The following PRKCA variants were observed in gnomAD, a reference collection of about 807,000 sequenced individuals.
The protein encoded by PRKCA is protein kinase C alpha.
PRKCA carries 27 observed loss-of-function variants against 87.0 expected under a neutral mutation model. The observed-to-expected ratio is 0.31, with a 90% CI of 0.23 to 0.43. The LOEUF (loss-of-function observed/expected upper bound fraction) is 0.43. Ranked by LOEUF, PRKCA falls within the 20% of genes least tolerant of loss-of-function variation. PRKCA has a pLI of 1.00. For synonymous variants in PRKCA, 329 were observed against 311.1 expected (o/e 1.06, Z -0.61); for missense variants, 518 against 852.3 (o/e 0.61, Z 4.88).
At chr17:66,373,977 G>T (rs1320851109) in intron 2 of PRKCA, among the ~76,000 whole-genome samples, 1 of 152,184 alleles carries the variant, frequency 6.6e-6, no homozygotes, top group Non-Finnish European at 1.5e-5. Flanking sequence ...GGATGTGGGG[G>T]CCCTGCTGCT....
chr17:66,331,541 T>C (rs1906325097), intron 2 of PRKCA, among the ~76,000 whole-genome samples: 1 of 152,166 alleles, frequency 6.6e-6, no homozygotes, highest in South Asian at 2.1e-4. Flanking sequence ...GTACCGGGAC[T>C]CTCCTCTGCA....
intron 2 of PRKCA, among the ~76,000 whole-genome samples, chr17:66,479,833 AAC>A (rs1915700640): frequency 6.6e-6 from 1 of 152,144 alleles, no homozygotes; most frequent in South Asian, 2.1e-4. Context: ...AGAGGGGAAC[AAC>A]ACACAGTGAG....
intron 14 of PRKCA, 106 bp from the exon 15 acceptor site, chr17:66,786,761 C>A: frequency 1.3e-6 from 1 of 779,310 alleles, no homozygotes; most frequent in Non-Finnish European, 2.1e-6. Flanking sequence ...TGTGGTGGGG[C>A]TGAGAAACCT....
At chr17:66,362,333 G>A (rs1908434753) in intron 2 of PRKCA, among the ~76,000 whole-genome samples, 2 of 152,062 alleles carry the variant, frequency 1.3e-5, no homozygotes, top group African/African-American at 2.4e-5. Flanking sequence ...CCACCACCAT[G>A]CCCAGCTGGG....
At chr17:66,777,203 T>G in intron 14 of PRKCA, 1 of 985,426 alleles carries the variant, frequency 1.0e-6, no homozygotes, top group Non-Finnish European at 1.2e-6. Context: ...GTTGTAACAC[T>G]GTGACCATGA....
At chr17:66,674,902 T>C (rs942733711) in intron 5 of PRKCA, among the ~76,000 whole-genome samples, 48 of 152,172 alleles carry the variant, frequency 3.2e-4, no homozygotes, top group Non-Finnish European at 3.8e-4. Flanking sequence ...TACCTCCTTA[T>C]GCCATGGAGG....
At chr17:66,736,072 G>T (rs1338699640) in intron 10 of PRKCA, among the ~76,000 whole-genome samples, 1 of 151,298 alleles carries the variant, frequency 6.6e-6, no homozygotes, top group African/African-American at 2.4e-5. Context: ...GTAGAGACGG[G>T]GGTTTCACCA....
intron 13 of PRKCA, among the ~76,000 whole-genome samples, chr17:66,749,007 C>G (rs573717869): frequency 6.6e-6 from 1 of 151,350 alleles, no homozygotes; most frequent in Non-Finnish European, 1.5e-5. Context: ...CCAGGACGGG[C>G]GGGTATTAGG....
chr17:66,346,701 A>G (rs1907394509), intron 2 of PRKCA, among the ~76,000 whole-genome samples: 2 of 152,188 alleles, frequency 1.3e-5, no homozygotes, highest in South Asian at 4.1e-4. Context: ...TAGAGTTGAC[A>G]TGTTGAATTT....
At chr17:66,409,014 C>T (rs376607280) in intron 2 of PRKCA, among the ~76,000 whole-genome samples, 4 of 127,872 alleles carry the variant, frequency 3.1e-5, no homozygotes, top group Non-Finnish European at 3.2e-5. Context: ...ATCACGTCAT[C>T]GCACTCCCTC....
intron 9 of PRKCA, among the ~76,000 whole-genome samples, chr17:66,734,921 AGAACAG>A (rs1973989174): frequency 6.6e-6 from 1 of 152,232 alleles, no homozygotes; most frequent in African/African-American, 2.4e-5. Context: ...CTCAGTGTTC[AGAACAG>A]AAGGGATGCT....
intron 2 of PRKCA, among the ~76,000 whole-genome samples, chr17:66,409,792 G>C (rs761758797): frequency 1.3e-5 from 2 of 152,174 alleles, no homozygotes; most frequent in African/African-American, 4.8e-5. Context: ...TTAGCCAGAC[G>C]TGGTGGCAGG....
At chr17:66,669,328 T>C (rs1972118065) in intron 5 of PRKCA, among the ~76,000 whole-genome samples, 1 of 152,138 alleles carries the variant, frequency 6.6e-6, no homozygotes, top group Admixed American at 6.5e-5. Context: ...AGAATTGGCA[T>C]TGCAGAAAAT....
At chr17:66,574,722 C>CAAAAAAAAAAAAAAAA (rs56913809) in intron 3 of PRKCA, among the ~76,000 whole-genome samples, 1 of 131,164 alleles carries the variant, frequency 7.6e-6, no homozygotes, top group Non-Finnish European at 1.7e-5. Flanking sequence ...ATTCCAAAAT[C>CAAAAAAAAAAAAAAAA]AAAAAAAAAA....
At chr17:66,602,889 T>A (rs959889889) in intron 3 of PRKCA, among the ~76,000 whole-genome samples, 1 of 152,142 alleles carries the variant, frequency 6.6e-6, no homozygotes, top group Non-Finnish European at 1.5e-5. Flanking sequence ...GCTTGGCCTC[T>A]CCTCTTCCGG....
intron 13 of PRKCA, among the ~76,000 whole-genome samples, chr17:66,750,893 C>T (rs1974412798): frequency 6.6e-6 from 1 of 152,184 alleles, no homozygotes; most frequent in Admixed American, 6.5e-5. Flanking sequence ...GTGACTGTTA[C>T]CCTGGGAGGA....
At chr17:66,713,530 A>G (rs545403875) in intron 8 of PRKCA, among the ~76,000 whole-genome samples, 27 of 152,178 alleles carry the variant, frequency 1.8e-4, no homozygotes, top group Non-Finnish European at 2.9e-4. Flanking sequence ...TCAAGTCAAC[A>G]AAGTCTCTTT....
intron 3 of PRKCA, among the ~76,000 whole-genome samples, chr17:66,517,760 C>T (rs9897124): frequency 0.5 from 75,533 of 152,010 alleles, 19,108 homozygotes; most frequent in East Asian, 0.76. Flanking sequence ...GGCGCAAGTG[C>T]CATCCAGTTG....
intron 16 of PRKCA, among the ~76,000 whole-genome samples, chr17:66,790,975 G>A (rs1279080760): frequency 6.7e-6 from 1 of 149,310 alleles, no homozygotes; most frequent in Non-Finnish European, 1.5e-5. Context: ...TATTCCTGGA[G>A]CGCTACTGTT....
Sources: gnomAD v4.1 joint callset for allele counts (sites outside exome capture counted in the v4.1 genomes callset) on GRCh38, gnomAD v4.1.1 for gene constraint, MANE v1.5 for transcripts, NCBI Gene and HGNC (gene_info 2026-07-23, HGNC 2026-07-21) for gene names.